The following DAGLA variants were observed in gnomAD, a reference collection of about 807,000 sequenced individuals.
The protein encoded by DAGLA is diacylglycerol lipase alpha.
Under a neutral mutation model 102.6 loss-of-function variants are expected in DAGLA, and 22 were observed. That is an observed-to-expected ratio of 0.21 (90% CI 0.15 to 0.31). The LOEUF is 0.31. Among genes scored for constraint, DAGLA ranks in the 10% least tolerant of loss-of-function variants. DAGLA has a pLI of 1.00. For missense variants in DAGLA, 927 were observed against 1,446.6 expected, an observed-to-expected ratio of 0.64 and a Z score of 5.83; for synonymous variants, 578 against 628.9, an observed-to-expected ratio of 0.92 and a Z score of 1.21.
rs952171792 is a variant in DAGLA at position 61,684,063 on chromosome 11, A to G, written c.-45+3559A>G. On this transcript the variant is annotated intron_variant, in intron 1 of 19. Transcript: ENST00000257215. This position sits in a 1 kb window ranked among gnomAD's most constrained non-coding sequence, Gnocchi z 4.5. ...GCCGGGGAGCCAGGCATCTGTGGCC[A>G]GAGGATGCTGGACCAGAGCTGACAG... is the stretch of plus-strand genomic sequence containing the variant. 6.6e-6 allele frequency among the ~76,000 whole-genome samples: 1 copy of G among 152,212 alleles called. No homozygotes were observed. Among genetic ancestry groups the G allele is most frequent in the African/African-American group, 2.4e-5 (1 of 41,462 alleles).
chr11:61,744,883 G>GC lies in DAGLA; in HGVS notation c.*400dup, dbSNP rs1277181042. ...TCCCAGGGGCCAGGTGGAGAGCAGTGCCCCCCGACACATGTATTCTCATCT... is the reference window on the plus strand; with the variant it reads ...TCCCAGGGGCCAGGTGGAGAGCAGTGCCCCCCCGACACATGTATTCTCATCT... On this transcript the variant is annotated 3_prime_UTR_variant, in exon 20 of 20. Coordinates refer to ENST00000257215, the MANE Select transcript of DAGLA (RefSeq NM_006133.3). 1 of 204,978 alleles carries GC rather than the reference G, an allele frequency of 4.9e-6. No homozygotes were observed. The allele number at this position is 204,978 out of a possible 1,614,324, so 12.7% of individuals were successfully genotyped here. A position where few individuals can be genotyped will look rare whatever the true frequency, so the allele number is the denominator to read the frequency against.
intron 1 of DAGLA, among the ~76,000 whole-genome samples, chr11:61,708,098 C>T (rs1036755445): frequency 6.6e-6 from 1 of 151,604 alleles, no homozygotes; most frequent in African/African-American, 2.4e-5. Context: ...ACCTCTGCCT[C>T]CCTGGTTCAA....
intron 1 of DAGLA, among the ~76,000 whole-genome samples, chr11:61,700,167 C>T (rs778020892): frequency 1.3e-5 from 2 of 152,236 alleles, no homozygotes; most frequent in Non-Finnish European, 2.9e-5. Flanking sequence ...CCCCAGAGCC[C>T]TCCTGTTGGG....
rs766533605 is a variant in DAGLA at position 61,720,130 on chromosome 11, A to G, written c.-26A>G. ...CTTTCAGGAGGTGAGCACCAGGCCC[A>G]CTGAGCCTCTGCAGAGCCACCAGCC... On this transcript the variant is annotated 5_prime_UTR_variant, in exon 2 of 20. Coordinates refer to ENST00000257215, the MANE Select transcript of DAGLA (RefSeq NM_006133.3). 34 of 1,609,326 alleles carry G rather than the reference A, an allele frequency of 2.1e-5. No individual in the cohort carries two copies. The highest frequency in any genetic ancestry group is 2.5e-5 in the Non-Finnish European group (30 of 1,179,554).
At chr11:61,708,605 G>A (rs996280649) in intron 1 of DAGLA, among the ~76,000 whole-genome samples, 2 of 150,656 alleles carry the variant, frequency 1.3e-5, no homozygotes, top group Admixed American at 6.6e-5. Context: ...GGATGGTCTC[G>A]ATCTCCTGAC....
chr11:61,739,799 A>AG (rs1470101236), intron 17 of DAGLA, 138 bp downstream of exon 17: 3 of 872,334 alleles, frequency 3.4e-6, no homozygotes, highest in Non-Finnish European at 5.2e-6. Flanking sequence ...GCCTCCATGG[A>AG]GGGGTTTCCC....
Position 61,744,817 on chromosome 11 carries a change from C to A in DAGLA, c.*328C>A. ...CTGGCACCCCCTGCTCCAGGACAGG[C>A]CATGGGCAAGCTGCCTCCCATCACT... On this transcript the variant is annotated 3_prime_UTR_variant, in exon 20 of 20. Coordinates refer to ENST00000257215, the MANE Select transcript of DAGLA (RefSeq NM_006133.3). 3.6e-6 allele frequency: 1 copy of A among 274,838 alleles called. No homozygotes were observed. The highest frequency in any genetic ancestry group is 8.2e-5 in the South Asian group (1 of 12,182). 17.0% of individuals were successfully genotyped at this position (274,838 alleles called of 1,614,324 possible).
chr11:61,724,953 T>C (rs2065312267), intron 5 of DAGLA, among the ~76,000 whole-genome samples: 1 of 152,116 alleles, frequency 6.6e-6, no homozygotes, highest in African/African-American at 2.4e-5. Context: ...CTTCTCCTTG[T>C]GGCCATTTGC....
Position 61,681,420 on chromosome 11 carries a change from A to G in DAGLA, c.-45+916A>G, listed in dbSNP as rs933214681. On this transcript the variant is annotated intron_variant, in intron 1 of 19. Transcript: ENST00000257215. ...TTCATCTAGCTTTGGGAATGAAGGG[A>G]GGGGTGGATGATTTTCAGTGGTGAT... is the stretch of plus-strand genomic sequence containing the variant. Among the ~76,000 whole-genome samples, 14 of 152,154 alleles carry G rather than the reference A, an allele frequency of 9.2e-5. No individual in the cohort carries two copies. The South Asian group carries it at 2.5e-3, about 27-fold the overall frequency.
intron 1 of DAGLA, among the ~76,000 whole-genome samples, chr11:61,705,222 C>T (rs1432693415): frequency 1.3e-5 from 2 of 152,214 alleles, no homozygotes; most frequent in East Asian, 1.9e-4. Context: ...TCTTTGACAG[C>T]GCCAGTGTTA....
chr11:61,723,579 C>T lies in DAGLA; in HGVS notation c.548+7C>T, dbSNP rs747632632. The stretch of plus-strand genomic sequence containing the variant: ...TGCGGACCTACAACCTGCGGTCAGT[C>T]AGCGGGCTGGGTGGGCAGTCCCAGG... On this transcript the variant is annotated splice_region_variant and intron_variant, in intron 5 of 19. Coordinates refer to ENST00000257215, the MANE Select transcript of DAGLA (RefSeq NM_006133.3). 44 of 1,611,760 alleles carry T rather than the reference C, an allele frequency of 2.7e-5. No homozygotes were observed. The highest frequency in any genetic ancestry group is 3.6e-5 in the Non-Finnish European group (42 of 1,178,204).
chr11:61,681,446 C>G (rs1329261669), intron 1 of DAGLA, among the ~76,000 whole-genome samples: 1 of 152,034 alleles, frequency 6.6e-6, no homozygotes, highest in African/African-American at 2.4e-5. Context: ...CAGTGGTGAT[C>G]GGTGTCCCAG....
chr11:61,695,563 G>T (rs1352629234), intron 1 of DAGLA, among the ~76,000 whole-genome samples: 2 of 152,192 alleles, frequency 1.3e-5, no homozygotes, highest in Non-Finnish European at 2.9e-5. Context: ...CTCCCACCCC[G>T]CTCCAGCCAA....
intron 1 of DAGLA, among the ~76,000 whole-genome samples, chr11:61,683,258 A>C (rs1591020018): frequency 6.6e-6 from 1 of 152,326 alleles, no homozygotes; most frequent in East Asian, 1.9e-4. Context: ...CGGCCCTCCC[A>C]GACCCAGGGT....
chr11:61,715,356 G>A (rs2065228072), intron 1 of DAGLA, among the ~76,000 whole-genome samples: 5 of 152,182 alleles, frequency 3.3e-5, no homozygotes, highest in Admixed American at 3.3e-4. Flanking sequence ...AGCCATCTCT[G>A]GCCAGATGGG....
chr11:61,700,848 C>A (rs1404259123), intron 1 of DAGLA, among the ~76,000 whole-genome samples: 1 of 152,208 alleles, frequency 6.6e-6, no homozygotes, highest in African/African-American at 2.4e-5. Context: ...TCAGGCCTTT[C>A]ACCCTGCACC....
At position 61,743,744 on chromosome 11, in the gene DAGLA, G is replaced by A. The variant is rs748469506; in HGVS notation, c.2384G>A (p.Arg795His). 1.9e-6 allele frequency: 3 copies of A among 1,612,154 alleles called. No individual in the cohort carries two copies. The highest frequency in any genetic ancestry group is 2.2e-5 in the East Asian group (1 of 44,878). Residue 795 changes from arginine to histidine, a missense_variant, in exon 20 of 20, where the codon CGC becomes CAC. Physicochemically the swap from Arg to His is conservative, Grantham distance 29. Coordinates refer to ENST00000257215, the MANE Select transcript of DAGLA (RefSeq NM_006133.3). The stretch of plus-strand genomic sequence containing the variant: ...GAGTCCCTGTACAGCTTCGACTCGC[G>A]CCGCTCCTCAGGCTTCCGCAGCATC... ...DTESLYSFDS[R>H]RSSGFRSIRG...
At position 61,743,973 on chromosome 11, in the gene DAGLA, C is replaced by T. The variant is rs1409346783; in HGVS notation, c.2613C>T (p.Pro871=). ...GSGGVTPERP[P]SAAANDEEEE... ...GCGGCGTCACTCCTGAGCGGCCCCC[C>T]AGTGCTGCGGCCAATGACGAGGAGG... The change falls in exon 20 of 20, where the codon CCC becomes CCT. Residue 871 remains proline, a synonymous_variant. Coordinates refer to ENST00000257215, the MANE Select transcript of DAGLA (RefSeq NM_006133.3). 1.9e-6 allele frequency: 3 copies of T among 1,611,850 alleles called. No individual in the cohort carries two copies. Among genetic ancestry groups the T allele is most frequent in the African/African-American group, 2.7e-5 (2 of 74,928 alleles).
intron 4 of DAGLA, 28 bp from the exon 5 acceptor site, chr11:61,723,406 A>T (rs1435783704): frequency 6.2e-7 from 1 of 1,604,474 alleles, no homozygotes. Flanking sequence ...CAGCGCCCCT[A>T]CCTAATGCCT....
Sources: allele counts gnomAD v4.1 joint callset (sites outside exome capture counted in the v4.1 genomes callset), GRCh38; gene constraint gnomAD v4.1.1; non-coding constraint Gnocchi (gnomAD v3.1); transcripts MANE v1.5; gene names NCBI Gene and HGNC (gene_info 2026-07-23, HGNC 2026-07-21).